Variants in FREM3 observed in about 807,000 individuals in gnomAD.
The protein encoded by FREM3 is FRAS1-related extracellular matrix protein 3.
FREM3 carries 105 observed loss-of-function variants against 129.1 expected under a neutral mutation model. That is an observed-to-expected ratio of 0.81 (90% CI 0.69 to 0.96). FREM3 has a LOEUF of 0.96. Among genes scored for constraint, FREM3 ranks in the 40% least tolerant of loss-of-function variants. FREM3 has a pLI of 0.00. For missense variants in FREM3, 2,593 were observed against 2,666.3 expected (o/e 0.97, Z 0.61); for synonymous variants, 1,014 against 1,044.9 (o/e 0.97, Z 0.57).
chr4:143,653,961 G>A (rs1033196355), intron 2 of FREM3, among the ~76,000 whole-genome samples: 4 of 152,120 alleles, frequency 2.6e-5, no homozygotes, highest in Non-Finnish European at 4.4e-5. Flanking sequence ...TTTAAATTAA[G>A]TTCTTTTCAG....
At chr4:143,617,777 G>T (rs1738877186) in intron 5 of FREM3, among the ~76,000 whole-genome samples, 1 of 152,212 alleles carries the variant, frequency 6.6e-6, no homozygotes, top group South Asian at 2.1e-4. Flanking sequence ...CTGAAAGGAT[G>T]TGCCTAATTC....
chr4:143,699,850 C>T lies in FREM3; in HGVS notation c.826G>A (p.Gly276Ser). The change falls in exon 1 of 8, where the codon GGC (glycine) becomes AGC (serine). Residue 276 changes from glycine (G) to serine (S), a missense_variant. Transcript: ENST00000329798. This position sits in a 1 kb window ranked among gnomAD's most constrained non-coding sequence, Gnocchi z 4.2. The part of the protein sequence containing the change: ...PMMVELLGPE[G>S]QDAGSAGVLV... ...ACACCCGCGGACCCAGCGTCTTGGC[C>T]CTCAGGCCCCAGCAGCTCCACCATC... 2 of 1,536,626 alleles carry T rather than the reference C, an allele frequency of 1.3e-6. No homozygotes were observed. The highest frequency in any genetic ancestry group is 1.7e-6 in the Non-Finnish European group (2 of 1,146,884).
chr4:143,673,326 T>C (rs1038355760), intron 2 of FREM3, among the ~76,000 whole-genome samples: 1 of 152,246 alleles, frequency 6.6e-6, no homozygotes, highest in Non-Finnish European at 1.5e-5. Context: ...GACCCTAAGC[T>C]GCAGGTCTGT....
At chr4:143,636,075 G>C (rs1034247146) in intron 2 of FREM3, among the ~76,000 whole-genome samples, 4 of 151,956 alleles carry the variant, frequency 2.6e-5, no homozygotes, top group African/African-American at 9.7e-5. Context: ...AAGTAGGGGA[G>C]TGCAGGACAA....
At chr4:143,594,119 C>T (rs955679923) in intron 6 of FREM3, among the ~76,000 whole-genome samples, 2 of 152,286 alleles carry the variant, frequency 1.3e-5, no homozygotes, top group East Asian at 3.9e-4. Flanking sequence ...TTCCAGGTGC[C>T]GTCTGTCACC....
At chr4:143,613,801 C>T (rs995058887) in intron 5 of FREM3, among the ~76,000 whole-genome samples, 2 of 152,212 alleles carry the variant, frequency 1.3e-5, no homozygotes, top group African/African-American at 4.8e-5. Context: ...GTTAACTCCT[C>T]AGGACGAATG....
intron 2 of FREM3, among the ~76,000 whole-genome samples, chr4:143,665,104 G>T (rs536177687): frequency 2.6e-5 from 4 of 152,012 alleles, no homozygotes; most frequent in Admixed American, 6.6e-5. Context: ...ACTGTCCTGC[G>T]CCCACTGTCT....
chr4:143,588,166 G>A (rs1251456405), intron 6 of FREM3, among the ~76,000 whole-genome samples: 6 of 151,998 alleles, frequency 3.9e-5, no homozygotes, highest in Admixed American at 6.6e-5. Flanking sequence ...GGTCTCCTTC[G>A]AGCCCCCTCT....
At chr4:143,670,313 G>A (rs904716522) in intron 2 of FREM3, among the ~76,000 whole-genome samples, 10 of 152,118 alleles carry the variant, frequency 6.6e-5, no homozygotes, top group Admixed American at 1.3e-4. Flanking sequence ...AAAGATACAT[G>A]CTAACTAGCC....
intron 6 of FREM3, among the ~76,000 whole-genome samples, chr4:143,608,783 A>G (rs1180607266): frequency 6.6e-6 from 1 of 152,186 alleles, no homozygotes; most frequent in Non-Finnish European, 1.5e-5. Context: ...AAAGAATAGC[A>G]TGAGTCAAAC....
In FREM3 at chr4:143,699,264, G is replaced by A; in HGVS notation, c.1412C>T (p.Ala471Val). 4 of 1,537,320 alleles carry A rather than the reference G, an allele frequency of 2.6e-6. No homozygotes were observed. Among genetic ancestry groups the A allele is most frequent in the Non-Finnish European group, 3.5e-6 (4 of 1,146,932 alleles). The change falls in exon 1 of 8, where the codon GCT becomes GTT. Residue 471 changes from alanine (A) to valine (V), a missense_variant. Ala to Val is a moderately conservative substitution (Grantham distance 64). Around this residue, in one of 2 missense-constraint regions of FREM3, gnomAD observed 2,276 missense variants for 2,267.2 expected, o/e 1.00. Coordinates refer to ENST00000329798, the MANE Select transcript of FREM3 (RefSeq NM_001168235.2). The surrounding 1 kb of genome is among the most constrained non-coding windows in gnomAD (Gnocchi z 4.2). Reference protein sequence around the residue: ...DKDNLEEVKMAAVRGLRHGQL... With the variant: ...DKDNLEEVKMVAVRGLRHGQL... Reference sequence around the variant, plus strand: ...CCCATGTCTCAAGCCCCTGACTGCAGCCATTTTCACCTCTTCCAGGTTATC... The same window carrying A: ...CCCATGTCTCAAGCCCCTGACTGCAACCATTTTCACCTCTTCCAGGTTATC...
At chr4:143,677,544 G>A (rs1337905064) in intron 2 of FREM3, among the ~76,000 whole-genome samples, 1 of 152,154 alleles carries the variant, frequency 6.6e-6, no homozygotes, top group African/African-American at 2.4e-5. Context: ...TTGACAAATG[G>A]GATCTAATTA....
At chr4:143,644,096 G>T (rs114292638) in intron 2 of FREM3, among the ~76,000 whole-genome samples, 2 of 151,970 alleles carry the variant, frequency 1.3e-5, no homozygotes, top group Non-Finnish European at 2.9e-5. Flanking sequence ...ATCCAAACAC[G>T]GACAGAAATT....
intron 2 of FREM3, among the ~76,000 whole-genome samples, chr4:143,657,299 A>C (rs1213223823): frequency 6.6e-6 from 1 of 152,212 alleles, no homozygotes; most frequent in African/African-American, 2.4e-5. Flanking sequence ...TGGTGACTGA[A>C]AAGTTTTCTT....
At chr4:143,664,753 T>A (rs1739819924) in intron 2 of FREM3, among the ~76,000 whole-genome samples, 1 of 152,178 alleles carries the variant, frequency 6.6e-6, no homozygotes, top group South Asian at 2.1e-4. Context: ...AGTTCGAGCT[T>A]CCCAGCTGCT....
chr4:143,634,122 C>T (rs1174838411), intron 2 of FREM3, among the ~76,000 whole-genome samples: 2 of 152,042 alleles, frequency 1.3e-5, no homozygotes, highest in Non-Finnish European at 2.9e-5. Flanking sequence ...AGGAAGGTAG[C>T]TTGGGAGTTT....
At chr4:143,660,252 A>G (rs1255858152) in intron 2 of FREM3, among the ~76,000 whole-genome samples, 1 of 151,788 alleles carries the variant, frequency 6.6e-6, no homozygotes, top group Non-Finnish European at 1.5e-5. Context: ...TCTTGAATTA[A>G]TTTTTGTATA....
At chr4:143,603,672 G>A (rs1170894702) in intron 6 of FREM3, among the ~76,000 whole-genome samples, 2 of 152,052 alleles carry the variant, frequency 1.3e-5, no homozygotes, top group African/African-American at 2.4e-5. Flanking sequence ...TCTGAGAAAT[G>A]CAAGTCCCTT....
intron 3 of FREM3, among the ~76,000 whole-genome samples, chr4:143,624,578 T>A (rs1228294327): frequency 6.6e-6 from 1 of 152,110 alleles, no homozygotes; most frequent in Non-Finnish European, 1.5e-5. Context: ...CAGAGAGCAA[T>A]CTTATTTAAC....
Sources: gnomAD v4.1 joint callset for allele counts (sites outside exome capture counted in the v4.1 genomes callset) on GRCh38, gnomAD v4.1.1 for gene constraint, gnomAD v4.1.1 regional missense constraint, Gnocchi (gnomAD v3.1) non-coding constraint, MANE v1.5 for transcripts, NCBI Gene and HGNC (gene_info 2026-07-23, HGNC 2026-07-21) for gene names.